PPARGC1A: variants seen among roughly 807,000 people sequenced by gnomAD.
PPARGC1A encodes PPARG coactivator 1 alpha, also known as peroxisome proliferator-activated receptor gamma coactivator 1-alpha.
In PPARGC1A, 25 loss-of-function variants were observed where a neutral mutation model predicts 88.7. The ratio of observed to expected loss-of-function variants is 0.28; its 90% confidence interval spans 0.21 to 0.39. PPARGC1A has a LOEUF of 0.39. Among genes scored for constraint, PPARGC1A ranks in the 10% least tolerant of loss-of-function variants. The pLI is 1.00. For synonymous variants in PPARGC1A, 363 were observed against 355.6 expected (o/e 1.02, Z -0.24); for missense variants, 880 against 968.7 (o/e 0.91, Z 1.22).
the PPARGC1A span, among the ~76,000 whole-genome samples, chr4:23,935,791 C>G: frequency 4.6e-5 from 7 of 152,244 alleles, no homozygotes; most frequent in South Asian, 1.4e-3. Context: ...GATTCAAACT[C>G]AGTGCTATCT....
At chr4:24,297,422 G>C in the PPARGC1A span, among the ~76,000 whole-genome samples, 1 of 152,078 alleles carries the variant, frequency 6.6e-6, no homozygotes, top group African/African-American at 2.4e-5. Context: ...TTATGCCCAC[G>C]AATTCGCACA....
chr4:23,838,829 TATTTAAAACAGA>T (rs1726513056), intron 2 of PPARGC1A, among the ~76,000 whole-genome samples: 1 of 152,194 alleles, frequency 6.6e-6, no homozygotes, highest in African/African-American at 2.4e-5. Context: ...CAAGCACACA[TATTTAAAACAGA>T]ATCTAATGCA....
chr4:23,866,713 C>T (rs1372134229), intron 2 of PPARGC1A, among the ~76,000 whole-genome samples: 1 of 152,056 alleles, frequency 6.6e-6, no homozygotes, highest in South Asian at 2.1e-4. Context: ...CAAACTTGTT[C>T]GGTACTGTGA....
At chr4:24,303,201 AG>A in the PPARGC1A span, among the ~76,000 whole-genome samples, 2 of 152,222 alleles carry the variant, frequency 1.3e-5, no homozygotes, top group African/African-American at 4.8e-5. Flanking sequence ...GTTATTTTTG[AG>A]CAAAAGGGAG....
At chr4:24,238,590 A>G in the PPARGC1A span, among the ~76,000 whole-genome samples, 1 of 152,160 alleles carries the variant, frequency 6.6e-6, no homozygotes, top group Non-Finnish European at 1.5e-5. Flanking sequence ...TGTGAAATGT[A>G]TGATGCTCTA....
the PPARGC1A span, among the ~76,000 whole-genome samples, chr4:23,993,296 A>G: frequency 1.3e-5 from 2 of 152,180 alleles, no homozygotes; most frequent in African/African-American, 4.8e-5. Flanking sequence ...ATAATGTCAG[A>G]CAATGACGGA....
chr4:24,296,424 C>T, the PPARGC1A span, among the ~76,000 whole-genome samples: 4 of 152,106 alleles, frequency 2.6e-5, no homozygotes, highest in South Asian at 6.2e-4. Context: ...ATGTTGCAAC[C>T]CTATCTCCAA....
At chr4:24,148,568 T>G in the PPARGC1A span, among the ~76,000 whole-genome samples, 5 of 152,282 alleles carry the variant, frequency 3.3e-5, no homozygotes, top group African/African-American at 9.6e-5. Flanking sequence ...AAGGAGCTCC[T>G]AGCAAGATGA....
chr4:24,228,110 G>A, the PPARGC1A span, among the ~76,000 whole-genome samples: 101,564 of 151,562 alleles, frequency 0.67, 35,126 homozygotes, highest in East Asian at 0.86. Context: ...GCAAGCACCA[G>A]TGGGATGGGG....
At chr4:24,015,606 A>C in the PPARGC1A span, among the ~76,000 whole-genome samples, 1 of 152,108 alleles carries the variant, frequency 6.6e-6, no homozygotes. Flanking sequence ...CTCAGAGCTG[A>C]CAATGCTATT....
the PPARGC1A span, among the ~76,000 whole-genome samples, chr4:24,123,934 A>AC: frequency 7.6e-4 from 115 of 151,942 alleles, no homozygotes; most frequent in African/African-American, 2.7e-3. Flanking sequence ...AACAAAAAAA[A>AC]CAGCTGTGAC....
chr4:24,443,169 G>A, the PPARGC1A span, among the ~76,000 whole-genome samples: 34 of 151,672 alleles, frequency 2.2e-4, no homozygotes, highest in African/African-American at 6.3e-4. Flanking sequence ...TGTCTGGTTG[G>A]TCAAATAACG....
At chr4:24,085,192 T>C in the PPARGC1A span, among the ~76,000 whole-genome samples, 1 of 152,002 alleles carries the variant, frequency 6.6e-6, no homozygotes, top group Non-Finnish European at 1.5e-5. Context: ...ACATGAAAAC[T>C]GAAATGTGAA....
chr4:24,201,325 C>T, the PPARGC1A span, among the ~76,000 whole-genome samples: 5 of 152,148 alleles, frequency 3.3e-5, no homozygotes, highest in Non-Finnish European at 4.4e-5. Flanking sequence ...GGACAAGGGG[C>T]CAAAAGTTAC....
At chr4:23,882,335 T>G (rs1240397822) in intron 2 of PPARGC1A, among the ~76,000 whole-genome samples, 1 of 152,190 alleles carries the variant, frequency 6.6e-6, no homozygotes, top group Non-Finnish European at 1.5e-5. Context: ...CTCTCAGAAA[T>G]CTGACCAATT....
At chr4:23,910,392 T>C in the PPARGC1A span, among the ~76,000 whole-genome samples, 1 of 112,262 alleles carries the variant, frequency 8.9e-6, no homozygotes, top group Admixed American at 1.4e-4. Context: ...ATATTATATA[T>C]ATTATATATA....
chr4:24,341,879 G>C, the PPARGC1A span, among the ~76,000 whole-genome samples: 1 of 152,156 alleles, frequency 6.6e-6, no homozygotes, highest in South Asian at 2.1e-4. Flanking sequence ...TGGTTGTTGA[G>C]TACATGACTG....
At chr4:24,228,652 C>T in the PPARGC1A span, among the ~76,000 whole-genome samples, 94,455 of 151,770 alleles carry the variant, frequency 0.62, 29,779 homozygotes, top group East Asian at 0.7. Context: ...AAAATAAAAG[C>T]CAAGGAAAAA....
the PPARGC1A span, among the ~76,000 whole-genome samples, chr4:24,457,299 A>C: frequency 6.6e-6 from 1 of 152,154 alleles, no homozygotes; most frequent in Admixed American, 6.5e-5. Context: ...TTGTTGAAAA[A>C]AATTATGAGA....
Sources: gnomAD v4.1 joint callset for allele counts (sites outside exome capture counted in the v4.1 genomes callset) on GRCh38, gnomAD v4.1.1 for gene constraint, MANE v1.5 for transcripts, NCBI Gene and HGNC (gene_info 2026-07-23, HGNC 2026-07-21) for gene names.